Variants in SCHIP1 observed in about 807,000 individuals in gnomAD.
SCHIP1 encodes schwannomin interacting protein 1, also known as schwannomin-interacting protein 1.
SCHIP1 carries 8 observed loss-of-function variants against 29.7 expected under a neutral mutation model. The ratio of observed to expected loss-of-function variants is 0.27; its 90% confidence interval spans 0.16 to 0.49. SCHIP1 has a LOEUF of 0.49. Ranked by LOEUF, SCHIP1 falls within the 20% of genes least tolerant of loss-of-function variation. The pLI is 0.99. For missense variants in SCHIP1, 193 were observed against 294.6 expected, an observed-to-expected ratio of 0.66 and a Z score of 2.52; for synonymous variants, 76 against 94.9, an observed-to-expected ratio of 0.80 and a Z score of 1.16.
At chr3:159,849,289 C>A (rs1220611855) in intron 1 of SCHIP1, among the ~76,000 whole-genome samples, 1 of 151,858 alleles carries the variant, frequency 6.6e-6, no homozygotes, top group Admixed American at 6.6e-5. Context: ...CATGAGAGTT[C>A]AGTTTTTCTC....
chr3:159,809,821 T>C, the SCHIP1 span, among the ~76,000 whole-genome samples: 1 of 152,002 alleles, frequency 6.6e-6, no homozygotes, highest in African/African-American at 2.4e-5. Context: ...GGCAACATGG[T>C]GAAACCCTGT....
At chr3:159,400,577 T>G in the SCHIP1 span, among the ~76,000 whole-genome samples, 3 of 152,194 alleles carry the variant, frequency 2.0e-5, no homozygotes, top group African/African-American at 7.2e-5. Flanking sequence ...CTGTTGAATT[T>G]CAAAGCTCCT....
At chr3:159,463,757 T>A in the SCHIP1 span, among the ~76,000 whole-genome samples, 1 of 151,840 alleles carries the variant, frequency 6.6e-6, no homozygotes, top group Non-Finnish European at 1.5e-5. Flanking sequence ...TATATATATA[T>A]AAGATAGACA....
chr3:159,361,820 A>G, the SCHIP1 span, among the ~76,000 whole-genome samples: 2 of 152,186 alleles, frequency 1.3e-5, no homozygotes, highest in Non-Finnish European at 2.9e-5. Context: ...ATATTCAAAA[A>G]TGACTGCATT....
the SCHIP1 span, among the ~76,000 whole-genome samples, chr3:159,450,948 A>G: frequency 6.6e-6 from 1 of 151,688 alleles, no homozygotes; most frequent in Non-Finnish European, 1.5e-5. Context: ...AGCTGGGACT[A>G]CAGGCACCCA....
At chr3:159,780,180 T>A in the SCHIP1 span, among the ~76,000 whole-genome samples, 1 of 152,200 alleles carries the variant, frequency 6.6e-6, no homozygotes, top group Admixed American at 6.5e-5. Context: ...GGGAAATTTA[T>A]GTCTAGAGCA....
chr3:159,543,749 G>C, the SCHIP1 span, among the ~76,000 whole-genome samples: 2 of 152,052 alleles, frequency 1.3e-5, no homozygotes, highest in African/African-American at 4.8e-5. Flanking sequence ...GGGATGGCTA[G>C]GTCAAATGGT....
the SCHIP1 span, chr3:159,387,355 A>G: frequency 1.3e-5 from 5 of 386,938 alleles, no homozygotes; most frequent in Admixed American, 8.9e-5. Flanking sequence ...GAGAAGAGAT[A>G]GATCTCTTCC....
the SCHIP1 span, among the ~76,000 whole-genome samples, chr3:159,626,937 C>T: frequency 1.3e-4 from 20 of 152,296 alleles, no homozygotes; most frequent in African/African-American, 4.6e-4. Context: ...CATAGCTATA[C>T]ATGTGCCATG....
At chr3:159,512,322 A>G in the SCHIP1 span, among the ~76,000 whole-genome samples, 1 of 152,224 alleles carries the variant, frequency 6.6e-6, no homozygotes, top group African/African-American at 2.4e-5. Context: ...TTAGACTGGC[A>G]GTAATTTAGA....
chr3:159,626,251 T>TATAGATAGATATCTATATAGATAG, the SCHIP1 span, among the ~76,000 whole-genome samples: 1 of 93,736 alleles, frequency 1.1e-5, no homozygotes, highest in Non-Finnish European at 2.0e-5. Flanking sequence ...TATCTATCTA[T>TATAGATAGATATCTATATAGATAG]ATAGATAGAT....
the SCHIP1 span, among the ~76,000 whole-genome samples, chr3:159,483,034 C>G: frequency 6.6e-6 from 1 of 152,152 alleles, no homozygotes; most frequent in South Asian, 2.1e-4. Flanking sequence ...TATCTTATCA[C>G]TCTTCAAAGC....
At chr3:159,877,264 C>A (rs771205351) in intron 2 of SCHIP1, among the ~76,000 whole-genome samples, 3 of 152,130 alleles carry the variant, frequency 2.0e-5, no homozygotes, top group Non-Finnish European at 2.9e-5. Context: ...GCAGGAGAAT[C>A]GCTTTAACCC....
At chr3:159,822,921 G>A in the SCHIP1 span, among the ~76,000 whole-genome samples, 1 of 151,980 alleles carries the variant, frequency 6.6e-6, no homozygotes, top group Non-Finnish European at 1.5e-5. Context: ...GCAAGAGGGA[G>A]GTGGGAGAGA....
At chr3:159,461,704 C>A in the SCHIP1 span, among the ~76,000 whole-genome samples, 1 of 151,690 alleles carries the variant, frequency 6.6e-6, no homozygotes, top group Admixed American at 6.6e-5. Flanking sequence ...AAACCCTTAA[C>A]AGTTACTATT....
chr3:159,618,896 G>A, the SCHIP1 span, among the ~76,000 whole-genome samples: 9,611 of 152,242 alleles, frequency 0.063, 1,024 homozygotes, highest in African/African-American at 0.21. Context: ...GGCCTAGGCC[G>A]TTTTCCCCTT....
chr3:159,706,627 G>A, the SCHIP1 span, among the ~76,000 whole-genome samples: 17 of 152,156 alleles, frequency 1.1e-4, no homozygotes, highest in Non-Finnish European at 2.1e-4. Flanking sequence ...GTAGTCTAAA[G>A]CAATGGGCAC....
chr3:159,465,157 A>G, the SCHIP1 span, among the ~76,000 whole-genome samples: 55 of 152,124 alleles, frequency 3.6e-4, no homozygotes, highest in Non-Finnish European at 6.0e-4. Flanking sequence ...TCAGGGAGCT[A>G]AGTTTTCTAC....
the SCHIP1 span, among the ~76,000 whole-genome samples, chr3:159,726,267 G>A: frequency 2.6e-5 from 4 of 152,182 alleles, no homozygotes; most frequent in East Asian, 7.7e-4. Flanking sequence ...GGCTTCTGCT[G>A]TACTGGATTT....
Sources: gnomAD v4.1 joint callset for allele counts (sites outside exome capture counted in the v4.1 genomes callset) on GRCh38, gnomAD v4.1.1 for gene constraint, MANE v1.5 for transcripts, NCBI Gene and HGNC (gene_info 2026-07-23, HGNC 2026-07-21) for gene names.